MAP3K4: variants seen among roughly 807,000 people sequenced by gnomAD.
MAP3K4 encodes mitogen-activated protein kinase kinase kinase 4, also known as MAP three kinase 1.
Under a neutral mutation model 185.6 loss-of-function variants are expected in MAP3K4, and 67 were observed. That is an observed-to-expected ratio of 0.36 (90% CI 0.30 to 0.44). The LOEUF (loss-of-function observed/expected upper bound fraction) is 0.44. Among genes scored for constraint, MAP3K4 ranks in the 20% least tolerant of loss-of-function variants. The pLI is 1.00. For synonymous variants in MAP3K4, 702 were observed against 710.4 expected (o/e 0.99, Z 0.19); for missense variants, 1,551 against 1,995.1 (o/e 0.78, Z 4.24).
In MAP3K4 at chr6:161,090,196, T is replaced by C. The variant is rs560048672; in HGVS notation, c.2973+725T>C. On this transcript the variant is annotated intron_variant, in intron 11 of 26. Coordinates refer to ENST00000392142, the MANE Select transcript of MAP3K4 (RefSeq NM_005922.4). ...CTATAAACATTTATTAACTAAATATTTAGGTTATCTCTCTCTATGGATTGC... is the reference window on the plus strand; with the variant it reads ...CTATAAACATTTATTAACTAAATATCTAGGTTATCTCTCTCTATGGATTGC... Among the ~76,000 whole-genome samples, 11 of 152,292 alleles carry C rather than the reference T, an allele frequency of 7.2e-5. No homozygotes were observed. The South Asian group carries it at 2.1e-3, about 29-fold the overall frequency.
rs1295387193 is a variant in MAP3K4, at chr6:161,107,046, G to A, written c.4048+341G>A. Among the ~76,000 whole-genome samples, 39 of 106,616 alleles carry A rather than the reference G, an allele frequency of 3.7e-4. No homozygotes were observed. The highest frequency in any genetic ancestry group is 2.9e-3 in the South Asian group (12 of 4,186). 69.9% of individuals were successfully genotyped at this position (106,616 alleles called of 152,430 possible). The stretch of plus-strand genomic sequence containing the variant: ...TTTCTCTCTCTCTCTCTACACACGC[G>A]CGCGCACACACACACACACACACAC... On this transcript the variant is annotated intron_variant, in intron 20 of 26. Coordinates refer to ENST00000392142, the MANE Select transcript of MAP3K4 (RefSeq NM_005922.4). The surrounding 1 kb of genome is among the most constrained non-coding windows in gnomAD (Gnocchi z 6.2).
At position 161,049,831 on chromosome 6, in the gene MAP3K4, A is replaced by G. The variant is rs1583167059; in HGVS notation, c.1559A>G (p.His520Arg). 1.2e-6 allele frequency: 2 copies of G among 1,614,120 alleles called. No individual in the cohort carries two copies. Among genetic ancestry groups the G allele is most frequent in the Non-Finnish European group, 1.7e-6 (2 of 1,180,010 alleles). The change falls in exon 3 of 27, where the codon CAT (histidine) becomes CGT (arginine). Residue 520 changes from histidine to arginine, a missense_variant. Physicochemically the swap from His to Arg is conservative, Grantham distance 29. Around this residue, in one of 16 missense-constraint regions of MAP3K4, gnomAD observed 126 missense variants for 112.8 expected, o/e 1.12. Coordinates refer to ENST00000392142, the MANE Select transcript of MAP3K4 (RefSeq NM_005922.4). The surrounding 1 kb of genome is among the most constrained non-coding windows in gnomAD (Gnocchi z 8.4). ...AGCACAGAAGCAGGCTTTAGTAGAC[A>G]TTGTCTGACTTCTATTTATAGACCA... ...DWSTEAGFSR[H>R]CLTSIYRPFV...
At chr6:160,995,854 CTT>C (rs1321236613) in intron 1 of MAP3K4, among the ~76,000 whole-genome samples, 1 of 152,138 alleles carries the variant, frequency 6.6e-6, no homozygotes, top group African/African-American at 2.4e-5. Context: ...ATATAATGCT[CTT>C]GTTTACTATA....
rs143094657 is a variant in MAP3K4 at position 161,108,778 on chromosome 6, G to A, written c.4155G>A (p.Lys1385=). 2.5e-6 allele frequency: 4 copies of A among 1,613,974 alleles called. No homozygotes were observed. Among genetic ancestry groups the A allele is most frequent in the Admixed American group, 1.7e-5 (1 of 60,010 alleles). ...RFQPNDHKTI[K]ETADELKIFE... ...AACCTAATGACCATAAGACTATCAA[G>A]GAAACTGCAGACGAATTGAAAATAT... Residue 1385 remains lysine, a synonymous_variant, in exon 22 of 27, where the codon AAG becomes AAA. Transcript: ENST00000392142. This position sits in a 1 kb window ranked among gnomAD's most constrained non-coding sequence, Gnocchi z 5.7.
At chr6:161,062,691 G>C (rs918993667) in intron 3 of MAP3K4, among the ~76,000 whole-genome samples, 1 of 152,146 alleles carries the variant, frequency 6.6e-6, no homozygotes, top group Non-Finnish European at 1.5e-5. Flanking sequence ...TTGACAGGAA[G>C]CATTGATGTT....
In MAP3K4 at chr6:161,049,454, T is replaced by C. The variant is rs1243335116; in HGVS notation, c.1182T>C (p.Cys394=). 1.2e-6 allele frequency: 2 copies of C among 1,614,052 alleles called. No individual in the cohort carries two copies. Among genetic ancestry groups the C allele is most frequent in the Non-Finnish European group, 1.7e-6 (2 of 1,180,034 alleles). ...KDFQDRVQAL[C]LWLNITKDLN... is the part of the protein sequence containing the mutation. ...TCCAGGACAGGGTGCAGGCACTCTGTTTGTGGTTAAACATCACAAAAGACT... is the reference window on the plus strand; with the variant it reads ...TCCAGGACAGGGTGCAGGCACTCTGCTTGTGGTTAAACATCACAAAAGACT... The change falls in exon 3 of 27, where the codon TGT becomes TGC. Residue 394 remains cysteine (C), a synonymous_variant. Coordinates refer to ENST00000392142, the MANE Select transcript of MAP3K4 (RefSeq NM_005922.4). The surrounding 1 kb of genome is among the most constrained non-coding windows in gnomAD (Gnocchi z 8.4).
At chr6:161,040,993 C>T (rs1783423677) in intron 2 of MAP3K4, among the ~76,000 whole-genome samples, 1 of 152,198 alleles carries the variant, frequency 6.6e-6, no homozygotes, top group Admixed American at 6.5e-5. Flanking sequence ...GATTGTCTTC[C>T]ACGGGCTGGC....
At chr6:161,019,772 G>A (rs1036810826) in intron 1 of MAP3K4, among the ~76,000 whole-genome samples, 4 of 151,992 alleles carry the variant, frequency 2.6e-5, no homozygotes, top group Non-Finnish European at 4.4e-5. Flanking sequence ...AACCATTTAA[G>A]GAGTTTTCTA....
intron 1 of MAP3K4, among the ~76,000 whole-genome samples, chr6:161,025,448 T>C (rs1179988059): frequency 6.6e-6 from 1 of 152,242 alleles, no homozygotes; most frequent in East Asian, 1.9e-4. Flanking sequence ...TGGGAGAATA[T>C]GTCATATGCT....
chr6:161,078,728 G>A (rs549465361), intron 5 of MAP3K4, among the ~76,000 whole-genome samples: 2 of 152,274 alleles, frequency 1.3e-5, no homozygotes, highest in African/African-American at 2.4e-5. Flanking sequence ...TGGGTTTTCC[G>A]CATGATGCTA....
intron 11 of MAP3K4, among the ~76,000 whole-genome samples, chr6:161,090,921 C>G (rs973070234): frequency 6.6e-6 from 1 of 152,198 alleles, no homozygotes; most frequent in Non-Finnish European, 1.5e-5. Flanking sequence ...GACAACGTCT[C>G]CAGACGCTGA....
chr6:161,104,581 C>A (rs539526098), intron 19 of MAP3K4, among the ~76,000 whole-genome samples: 1 of 151,784 alleles, frequency 6.6e-6, no homozygotes, highest in African/African-American at 2.4e-5. Context: ...CGTGGTGGTG[C>A]GCGCCTGTAG....
At chr6:161,045,879 G>T (rs1015840635) in intron 2 of MAP3K4, among the ~76,000 whole-genome samples, 14 of 151,654 alleles carry the variant, frequency 9.2e-5, no homozygotes, top group Non-Finnish European at 1.5e-4. Flanking sequence ...CATTTATTTG[G>T]GTGTACATAA....
Position 161,096,984 on chromosome 6 carries a change from A to C in MAP3K4, c.3428-96A>C, listed in dbSNP as rs922932616. On this transcript the variant is annotated intron_variant, in intron 15 of 26. Transcript: ENST00000392142. The surrounding 1 kb of genome is among the most constrained non-coding windows in gnomAD (Gnocchi z 4.9). Reference sequence around the variant, plus strand: ...TGGACTTACCTTGGTCATTGGCCAGAATAAGTGACATTCTATTTTCCATTT... The same window carrying C: ...TGGACTTACCTTGGTCATTGGCCAGCATAAGTGACATTCTATTTTCCATTT... 2 of 962,296 alleles carry C rather than the reference A, an allele frequency of 2.1e-6. No homozygotes were observed. Among genetic ancestry groups the C allele is most frequent in the African/African-American group, 3.2e-5 (2 of 62,670 alleles). The allele number at this position is 962,296 out of a possible 1,614,324, so 59.6% of individuals were successfully genotyped here.
At chr6:160,995,946 A>G (rs1780968903) in intron 1 of MAP3K4, among the ~76,000 whole-genome samples, 2 of 152,232 alleles carry the variant, frequency 1.3e-5, no homozygotes, top group South Asian at 2.1e-4. Flanking sequence ...CATAAATTTA[A>G]CAATTAACTT....
intron 1 of MAP3K4, among the ~76,000 whole-genome samples, chr6:161,019,124 A>C (rs927054729): frequency 6.6e-6 from 1 of 152,220 alleles, no homozygotes; most frequent in Admixed American, 6.5e-5. Context: ...AAATTTTTTT[A>C]AGAAGTAGTG....
Position 161,073,817 on chromosome 6 carries a change from C to A in MAP3K4, c.2097+205C>A, listed in dbSNP as rs1384180714. ...GGTGGTGGTGATCTTGAATCAGAGTCTTTCCATCTGGTATTAGATTACATT... is the reference window on the plus strand; with the variant it reads ...GGTGGTGGTGATCTTGAATCAGAGTATTTCCATCTGGTATTAGATTACATT... On this transcript the variant is annotated intron_variant, in intron 5 of 26. Transcript: ENST00000392142. The surrounding 1 kb of genome is among the most constrained non-coding windows in gnomAD (Gnocchi z 4.2). Among the ~76,000 whole-genome samples, 1 of 152,160 alleles carries A rather than the reference C, an allele frequency of 6.6e-6. No individual in the cohort carries two copies. The highest frequency in any genetic ancestry group is 6.5e-5 in the Admixed American group (1 of 15,280).
chr6:161,082,858 A>G lies in MAP3K4; in HGVS notation c.2256-1643A>G, dbSNP rs941568226. Among the ~76,000 whole-genome samples the G allele has an allele frequency of 2.0e-5, 3 of 152,154 alleles. No homozygotes were observed. ...AAGCCTCCTAGAGTTTATTCTCAAC[A>G]CCACAGCCTGAATGGTCTGGTTAAA... On this transcript the variant is annotated intron_variant, in intron 6 of 26. Coordinates refer to ENST00000392142, the MANE Select transcript of MAP3K4 (RefSeq NM_005922.4). This position sits in a 1 kb window ranked among gnomAD's most constrained non-coding sequence, Gnocchi z 4.2.
At chr6:161,036,245 C>G (rs1783160346) in intron 2 of MAP3K4, among the ~76,000 whole-genome samples, 1 of 152,182 alleles carries the variant, frequency 6.6e-6, no homozygotes, top group Non-Finnish European at 1.5e-5. Context: ...CCTCAGAGAT[C>G]ATTTGCTCAA....
Sources: allele counts gnomAD v4.1 joint callset (sites outside exome capture counted in the v4.1 genomes callset), GRCh38; gene constraint gnomAD v4.1.1; regional missense constraint gnomAD v4.1.1; non-coding constraint Gnocchi (gnomAD v3.1); transcripts MANE v1.5; gene names NCBI Gene and HGNC (gene_info 2026-07-23, HGNC 2026-07-21).